Variants in SLC13A3 observed in about 807,000 individuals in gnomAD.
The protein encoded by SLC13A3 is solute carrier family 13 member 3, also known as Na(+)/dicarboxylate cotransporter 3.
Under a neutral mutation model 59.0 loss-of-function variants are expected in SLC13A3, and 40 were observed. The ratio of observed to expected loss-of-function variants is 0.68; its 90% CI spans 0.53 to 0.88. SLC13A3 has a LOEUF of 0.88. Among genes scored for constraint, SLC13A3 ranks in the 40% least tolerant of loss-of-function variants. The pLI, the probability that SLC13A3 is intolerant of heterozygous loss-of-function variation, is 0.00. For missense variants in SLC13A3, 699 were observed against 783.2 expected (o/e 0.89, Z 1.28); for synonymous variants, 317 against 330.3 (o/e 0.96, Z 0.44).
chr20:46,613,878 G>A (rs2062528922), intron 1 of SLC13A3, 153 bp from the exon 2 acceptor site: 1 of 640,786 alleles, frequency 1.6e-6, no homozygotes, highest in Non-Finnish European at 2.7e-6. Flanking sequence ...TTGTTCTCAG[G>A]GCAGCAGTGG....
chr20:46,664,075 C>T (rs778806982), intron 1 of SLC13A3, among the ~76,000 whole-genome samples: 1 of 152,158 alleles, frequency 6.6e-6, no homozygotes, highest in Non-Finnish European at 1.5e-5. Flanking sequence ...CCCGGCTGCA[C>T]ATTGGAATCA....
At chr20:46,601,154 G>A (rs530632884) in intron 3 of SLC13A3, among the ~76,000 whole-genome samples, 12 of 152,254 alleles carry the variant, frequency 7.9e-5, no homozygotes, top group Non-Finnish European at 1.0e-4. Flanking sequence ...AAAGGCCAAC[G>A]GGAACTAAAT....
In SLC13A3 at chr20:46,589,190, C is replaced by T. The variant is rs200657221; in HGVS notation, c.986G>A (p.Arg329Gln). The change falls in exon 7 of 13, where the codon CGG (arginine) becomes CAG (glutamine). Residue 329 changes from arginine to glutamine, a missense_variant. Physicochemically the swap from Arg to Gln is conservative, Grantham distance 43 (BLOSUM62 1). Transcript: ENST00000279027. ...NAEDRARAVI[R>Q]EEYQNLGPIK... ...GGGCCCCAGGTTCTGGTATTCTTCC[C>T]GAATTACAGCTCGAGCCCTATCTTC... The T allele has an allele frequency of 1.5e-5, 24 of 1,614,078 alleles. No homozygotes were observed. The highest frequency in any genetic ancestry group is 4.5e-5 in the East Asian group (2 of 44,894).
intron 10 of SLC13A3, among the ~76,000 whole-genome samples, chr20:46,569,469 G>C (rs2062011033): frequency 6.6e-6 from 1 of 152,120 alleles, no homozygotes; most frequent in South Asian, 2.1e-4. Flanking sequence ...ATCTTTTCTA[G>C]CTGTCACTTA....
In SLC13A3 at chr20:46,651,386, C is replaced by A. The variant is rs1279737990; in HGVS notation, c.36G>T (p.Trp12Cys). 2 of 1,508,296 alleles carry A rather than the reference C, an allele frequency of 1.3e-6. No homozygotes were observed. The highest frequency in any genetic ancestry group is 1.2e-5 in the South Asian group (1 of 80,150). 93.4% of individuals were successfully genotyped at this position (1,508,296 alleles called of 1,614,324 possible). The change falls in exon 1 of 13, where the codon TGG becomes TGT. Residue 12 changes from tryptophan (W) to cysteine (C), a missense_variant. Trp to Cys is a radical substitution (Grantham distance 215). Coordinates refer to ENST00000279027, the MANE Select transcript of SLC13A3 (RefSeq NM_022829.6). Reference protein sequence around the residue: ...AALAAAAKKVWSARRLLVLLF... With the variant: ...AALAAAAKKVCSARRLLVLLF... ...GCAGCACCAGCAGCCGCCGCGCGCT[C>A]CACACCTTCTTGGCCGCTGCTGCCA... is the stretch of plus-strand genomic sequence containing the variant.
chr20:46,616,985 C>A (rs1411196191), intron 1 of SLC13A3, among the ~76,000 whole-genome samples: 1 of 152,202 alleles, frequency 6.6e-6, no homozygotes, highest in East Asian at 1.9e-4. Flanking sequence ...CTGTCTCCAG[C>A]CCATTATCCT....
At chr20:46,608,838 C>A in intron 3 of SLC13A3, 1 of 1,522,752 alleles carries the variant, frequency 6.6e-7, no homozygotes, top group Non-Finnish European at 8.8e-7. Flanking sequence ...GCCACAGGGG[C>A]AGATCTGCCA....
chr20:46,673,907 T>C (rs747922793), upstream of SLC13A3: 1 of 152,230 alleles, frequency 6.6e-6, no homozygotes, highest in Non-Finnish European at 1.5e-5. Context: ...TGAGCACCTA[T>C]TGTATACCAG....
At chr20:46,612,710 T>A (rs2062511657) in intron 2 of SLC13A3, among the ~76,000 whole-genome samples, 1 of 152,106 alleles carries the variant, frequency 6.6e-6, no homozygotes, top group Admixed American at 6.5e-5. Context: ...ATCCTTAAGA[T>A]TCACCAAATT....
intron 1 of SLC13A3, among the ~76,000 whole-genome samples, chr20:46,622,619 TGC>T (rs1491151433): frequency 0.029 from 1,902 of 66,434 alleles, 21 homozygotes; most frequent in East Asian, 0.17. Flanking sequence ...GTGTGGTGTG[TGC>T]GTGTGTGTGT....
At chr20:46,639,354 C>T (rs1035722888) in intron 1 of SLC13A3, among the ~76,000 whole-genome samples, 3 of 152,046 alleles carry the variant, frequency 2.0e-5, no homozygotes, top group African/African-American at 4.8e-5. Context: ...CCCAGCTACT[C>T]GGGAGGCTGA....
Position 46,588,084 on chromosome 20 carries a change from C to T in SLC13A3, c.1096G>A (p.Gly366Ser), listed in dbSNP as rs1398534870. The T allele has an allele frequency of 1.2e-6, 2 of 1,611,632 alleles. No homozygotes were observed. Among genetic ancestry groups the T allele is most frequent in the South Asian group, 2.2e-5 (2 of 90,886 alleles). Residue 366 changes from glycine (G) to serine (S), a missense_variant, in exon 8 of 13, where the codon GGC (glycine) becomes AGC (serine). Coordinates refer to ENST00000279027, the MANE Select transcript of SLC13A3 (RefSeq NM_022829.6). ...CCAGGATTGAAGAGGCTGGCCCAGCCAGGGATGAACTTCGGGTCCCGGGTG... is the reference window on the plus strand; with the variant it reads ...CCAGGATTGAAGAGGCTGGCCCAGCTAGGGATGAACTTCGGGTCCCGGGTG... ...LFTRDPKFIP[G>S]WASLFNPGFL...
At chr20:46,650,507 G>A (rs2038587) in intron 1 of SLC13A3, among the ~76,000 whole-genome samples, 58 of 152,330 alleles carry the variant, frequency 3.8e-4, no homozygotes, top group Admixed American at 3.6e-3. Context: ...ACCTGGTGCA[G>A]AAAAAGACCA....
At chr20:46,663,007 G>A (rs974603206) in intron 1 of SLC13A3, among the ~76,000 whole-genome samples, 4 of 152,206 alleles carry the variant, frequency 2.6e-5, no homozygotes, top group Admixed American at 6.5e-5. Flanking sequence ...ATCTGCTTGG[G>A]GGCTGGGCAT....
At chr20:46,665,841 A>G (rs1323343075) in intron 1 of SLC13A3, among the ~76,000 whole-genome samples, 6 of 152,184 alleles carry the variant, frequency 3.9e-5, no homozygotes, top group African/African-American at 1.4e-4. Context: ...TGTCTGCACT[A>G]TTTCACAATC....
chr20:46,674,604 C>CGCGCACGT (rs370861850), upstream of SLC13A3, among the ~76,000 whole-genome samples: 1 of 127,882 alleles, frequency 7.8e-6, no homozygotes, highest in African/African-American at 3.2e-5. Context: ...CGCGCGCGCG[C>CGCGCACGT]GTGTGTGTGT....
intron 1 of SLC13A3, among the ~76,000 whole-genome samples, chr20:46,640,750 T>C (rs1016787313): frequency 6.6e-6 from 1 of 152,188 alleles, no homozygotes; most frequent in African/African-American, 2.4e-5. Context: ...CACACGTGTC[T>C]GACTTGTTCC....
chr20:46,637,545 T>C (rs926987670), intron 1 of SLC13A3, among the ~76,000 whole-genome samples: 2 of 152,210 alleles, frequency 1.3e-5, no homozygotes, highest in African/African-American at 4.8e-5. Flanking sequence ...TCCCCTATAA[T>C]GCCCTTCCAG....
At chr20:46,684,123 C>G (rs759441259) in intron 1 of SLC13A3, among the ~76,000 whole-genome samples, 1 of 152,172 alleles carries the variant, frequency 6.6e-6, no homozygotes, top group Admixed American at 6.5e-5. Context: ...GCCTTGCTGT[C>G]GGGGATGTTT....
Sources: gnomAD v4.1 joint callset for allele counts (sites outside exome capture counted in the v4.1 genomes callset) on GRCh38, gnomAD v4.1.1 for gene constraint, MANE v1.5 for transcripts, NCBI Gene and HGNC (gene_info 2026-07-23, HGNC 2026-07-21) for gene names.